ITGA2: variants seen among roughly 807,000 people sequenced by gnomAD.
ITGA2 encodes the protein integrin subunit alpha 2.
In ITGA2, 101 loss-of-function variants were observed where a neutral mutation model predicts 146.3. The ratio of observed to expected loss-of-function variants is 0.69; its 90% CI spans 0.59 to 0.81. The LOEUF is 0.81. ITGA2 is among the 40% of genes least tolerant of loss of function. ITGA2 has a pLI of 0.00. For missense variants in ITGA2, 1,281 were observed against 1,402.7 expected (o/e 0.91, Z 1.39); for synonymous variants, 477 against 487.1 (o/e 0.98, Z 0.27).
intron 27 of ITGA2, 36 bp from the exon 28 acceptor site, chr5:53,086,916 C>G (rs1228418138): frequency 2.0e-5 from 30 of 1,499,094 alleles, no homozygotes; most frequent in Non-Finnish European, 2.8e-5. Flanking sequence ...TTTGCTGCTG[C>G]TACGATAAAA....
chr5:53,041,078 A>G (rs1229559574), intron 2 of ITGA2, among the ~76,000 whole-genome samples: 1 of 151,560 alleles, frequency 6.6e-6, no homozygotes, highest in Non-Finnish European at 1.5e-5. Flanking sequence ...GGCTCATGAA[A>G]TAATTTTAGT....
At position 53,041,723 on chromosome 5, in the gene ITGA2, A is replaced by T. The variant is rs527252653; in HGVS notation, c.186-389A>T. Among the ~76,000 whole-genome samples, 12 of 152,302 alleles carry T rather than the reference A, an allele frequency of 7.9e-5. No homozygotes were observed. The South Asian group carries it at 1.2e-3, about 16-fold the overall frequency. ...GTCAAATATCTCATTACTAATTTTG[A>T]TATTGCATGCTAGTTTGGATATATT... On this transcript the variant is annotated intron_variant, in intron 2 of 29. Transcript: ENST00000296585.
At chr5:53,085,299 T>C (rs965756301) in intron 27 of ITGA2, among the ~76,000 whole-genome samples, 2 of 152,128 alleles carry the variant, frequency 1.3e-5, no homozygotes, top group Non-Finnish European at 2.9e-5. Context: ...GGGCTCCAAA[T>C]TGATGATAGA....
At position 53,015,401 on chromosome 5, in the gene ITGA2, G is replaced by T. The variant is rs1742353863; in HGVS notation, c.65-11347G>T. Among the ~76,000 whole-genome samples, 4 of 151,924 alleles carry T rather than the reference G, an allele frequency of 2.6e-5. No homozygotes were observed. In the South Asian group the frequency reaches 6.2e-4, roughly 24 times the overall value. Reference sequence around the variant, plus strand: ...TGTTTACTTTAGATGCAATTATTTGGTTTTGAGCAATCTTCTCAGTATTGA... The same window carrying T: ...TGTTTACTTTAGATGCAATTATTTGTTTTTGAGCAATCTTCTCAGTATTGA... On this transcript the variant is annotated intron_variant, in intron 1 of 29. Transcript: ENST00000296585.
intron 29 of ITGA2, 79 bp from the exon 30 acceptor site, chr5:53,090,440 C>T (rs1740355381): frequency 6.9e-6 from 8 of 1,153,020 alleles, no homozygotes; most frequent in Admixed American, 3.4e-5. Flanking sequence ...CATCAGAGGA[C>T]GTGGGCAGCC....
At position 53,093,184 on chromosome 5, in the gene ITGA2, C is replaced by T. The variant is rs184231631; in HGVS notation, c.*2585C>T. The T allele has an allele frequency of 7.9e-5, 12 of 152,310 alleles. No individual in the cohort carries two copies. The highest frequency in any genetic ancestry group is 2.4e-4 in the African/African-American group (10 of 41,578). The allele number at this position is 152,310 out of a possible 1,614,324, so 9.4% of individuals were successfully genotyped here. A position where few individuals can be genotyped will look rare whatever the true frequency, so the allele number is the denominator to read the frequency against. ...ATGTGCTATACAAACAATTATAGCA[C>T]ATCCTTCCTTTTACTCTGTCTCACC... On this transcript the variant is annotated 3_prime_UTR_variant, in exon 30 of 30. Coordinates refer to ENST00000296585, the MANE Select transcript of ITGA2 (RefSeq NM_002203.4).
intron 1 of ITGA2, among the ~76,000 whole-genome samples, chr5:53,003,698 G>A (rs1292673475): frequency 6.6e-6 from 1 of 152,212 alleles, no homozygotes; most frequent in Non-Finnish European, 1.5e-5. Flanking sequence ...TTCAGGGGGA[G>A]GAGACTTAAG....
Position 53,064,922 on chromosome 5 carries a change from G to A in ITGA2, c.1613G>A (p.Gly538Asp). 6.2e-7 allele frequency: 1 copy of A among 1,612,600 alleles called. No homozygotes were observed. The highest frequency in any genetic ancestry group is 1.1e-5 in the South Asian group (1 of 91,064). The change falls in exon 14 of 30, where the codon GGT becomes GAT. Residue 538 changes from glycine to aspartate, a missense_variant. Transcript: ENST00000296585. ...TTTCCCCTTTGCAAGGGCATTTTGG[G>A]TCAGCACCAATTTCTTGAAGGCCCC... ...YLFTIKEGIL[G>D]QHQFLEGPEG...
intron 7 of ITGA2, among the ~76,000 whole-genome samples, chr5:53,053,827 G>A (rs1190201548): frequency 6.6e-6 from 1 of 152,078 alleles, no homozygotes; most frequent in Non-Finnish European, 1.5e-5. Flanking sequence ...AATTATTTCA[G>A]TAATTGTTGC....
intron 27 of ITGA2, among the ~76,000 whole-genome samples, chr5:53,085,014 T>G (rs1056761542): frequency 6.6e-6 from 1 of 152,210 alleles, no homozygotes; most frequent in Non-Finnish European, 1.5e-5. Flanking sequence ...ACCCTTGAGA[T>G]GTCAAGGTAT....
chr5:53,001,528 T>C (rs1044229112), intron 1 of ITGA2, among the ~76,000 whole-genome samples: 7 of 152,176 alleles, frequency 4.6e-5, no homozygotes, highest in Non-Finnish European at 7.4e-5. Context: ...CTTTTTAGGA[T>C]TGGCAAATCG....
At chr5:53,032,332 A>T (rs1336821122) in intron 2 of ITGA2, among the ~76,000 whole-genome samples, 2 of 152,200 alleles carry the variant, frequency 1.3e-5, no homozygotes, top group African/African-American at 4.8e-5. Flanking sequence ...TATAACAGAC[A>T]TCAAAGATTA....
intron 7 of ITGA2, among the ~76,000 whole-genome samples, chr5:53,054,183 A>G (rs75218459): frequency 6.6e-6 from 1 of 152,350 alleles, no homozygotes; most frequent in African/African-American, 2.4e-5. Flanking sequence ...ATTTGCACCA[A>G]GTTATCCATG....
At chr5:53,088,032 G>A (rs779615046) in intron 28 of ITGA2, among the ~76,000 whole-genome samples, 1 of 152,178 alleles carries the variant, frequency 6.6e-6, no homozygotes, top group Non-Finnish European at 1.5e-5. Context: ...TCTGCCTCTG[G>A]TTTAGGAGCC....
At chr5:53,002,693 G>A (rs973604211) in intron 1 of ITGA2, among the ~76,000 whole-genome samples, 1 of 151,826 alleles carries the variant, frequency 6.6e-6, no homozygotes, top group African/African-American at 2.4e-5. Context: ...TTTTCTTTTC[G>A]TTTTACTTTT....
At chr5:53,065,634 C>A (rs1021389721) in intron 14 of ITGA2, among the ~76,000 whole-genome samples, 14 of 151,854 alleles carry the variant, frequency 9.2e-5, no homozygotes, top group African/African-American at 2.9e-4. Flanking sequence ...AAGATTTATG[C>A]TGTCCCTTCG....
At position 53,070,551 on chromosome 5, in the gene ITGA2, A is replaced by G. The variant is rs3212569; in HGVS notation, c.2235+291A>G. On this transcript the variant is annotated intron_variant, in intron 17 of 29. Coordinates refer to ENST00000296585, the MANE Select transcript of ITGA2 (RefSeq NM_002203.4). ...GTGTTTTCTTAAATGTTTAACAGAG[A>G]GAACTTTCCATTGGCAATAAATGTT... Among the ~76,000 whole-genome samples, 16,949 of 151,980 alleles carry G rather than the reference A, an allele frequency of 0.11. 1,144 individuals carry two copies. The highest frequency in any genetic ancestry group is 0.19 in the African/African-American group (7,698 of 41,476).
At chr5:53,025,024 A>G (rs1476136502) in intron 1 of ITGA2, among the ~76,000 whole-genome samples, 4 of 152,196 alleles carry the variant, frequency 2.6e-5, no homozygotes, top group Non-Finnish European at 5.9e-5. Context: ...CTGCCATTAA[A>G]TGATCTGCCC....
intron 2 of ITGA2, among the ~76,000 whole-genome samples, chr5:53,029,353 C>T (rs1743114650): frequency 6.6e-6 from 1 of 152,160 alleles, no homozygotes; most frequent in Non-Finnish European, 1.5e-5. Flanking sequence ...CAGCCTCTCT[C>T]CTATTATCAT....
Sources: allele counts gnomAD v4.1 joint callset (sites outside exome capture counted in the v4.1 genomes callset), GRCh38; gene constraint gnomAD v4.1.1; transcripts MANE v1.5; gene names NCBI Gene and HGNC (gene_info 2026-07-23, HGNC 2026-07-21).